Variants in ABLIM1 observed in about 807,000 individuals in gnomAD.
ABLIM1 encodes the protein actin-binding LIM protein 1.
Under a neutral mutation model 107.0 loss-of-function variants are expected in ABLIM1, and 40 were observed. That is an observed-to-expected ratio of 0.37 (90% CI 0.29 to 0.49). The LOEUF is 0.49. Among genes scored for constraint, ABLIM1 ranks in the 20% least tolerant of loss-of-function variants. The pLI, the probability that ABLIM1 is intolerant of heterozygous loss-of-function variation, is 0.97. For missense variants in ABLIM1, 857 were observed against 1,008.5 expected (o/e 0.85, Z 2.04); for synonymous variants, 357 against 357.3 (o/e 1.00, Z 0.01).
chr10:114,442,969 G>A (rs369382793), intron 17 of ABLIM1, among the ~76,000 whole-genome samples: 6 of 152,086 alleles, frequency 3.9e-5, no homozygotes, highest in African/African-American at 1.2e-4. Context: ...CTCCCGAGTA[G>A]CCGGGACTGC....
At chr10:114,558,982 G>A (rs1220447988) in intron 4 of ABLIM1, among the ~76,000 whole-genome samples, 1 of 151,030 alleles carries the variant, frequency 6.6e-6, no homozygotes, top group Non-Finnish European at 1.5e-5. Flanking sequence ...GGGGCTATAT[G>A]TATAGAATGA....
intron 5 of ABLIM1, among the ~76,000 whole-genome samples, chr10:114,546,803 C>T (rs528150133): frequency 1.3e-5 from 2 of 152,074 alleles, no homozygotes; most frequent in African/African-American, 4.8e-5. Context: ...TTTTTTGAGA[C>T]AAGGTCTTAC....
Position 114,551,873 on chromosome 10 carries a change from A to G in ABLIM1, c.674-4097T>C, listed in dbSNP as rs2068101495. On this transcript the variant is annotated intron_variant, in intron 4 of 22. Transcript: ENST00000533213. ...CTCTGACTTCACAGGTGGTATCTAT[A>G]CCATTGAGCTCCTCCATGCCCTGCA... 2.0e-5 allele frequency among the ~76,000 whole-genome samples: 3 copies of G among 152,054 alleles called. No individual in the cohort carries two copies. In the South Asian group the frequency reaches 6.2e-4, roughly 32 times the overall value.
chr10:114,562,861 C>T (rs2069965176), intron 4 of ABLIM1, among the ~76,000 whole-genome samples: 1 of 152,050 alleles, frequency 6.6e-6, no homozygotes, highest in African/African-American at 2.4e-5. Context: ...GAAAAAAACC[C>T]CAAACAAACA....
At chr10:114,785,275 G>A in the ABLIM1 span, among the ~76,000 whole-genome samples, 1 of 152,238 alleles carries the variant, frequency 6.6e-6, no homozygotes, top group Non-Finnish European at 1.5e-5. Context: ...GGAAGGCACT[G>A]TGTCCTGTGT....
chr10:114,597,164 T>C (rs1319066183), intron 2 of ABLIM1, among the ~76,000 whole-genome samples: 4 of 152,364 alleles, frequency 2.6e-5, no homozygotes, highest in Non-Finnish European at 5.9e-5. Context: ...AATGTTGTTT[T>C]AGGACTTGGC....
intron 1 of ABLIM1, among the ~76,000 whole-genome samples, chr10:114,700,174 T>C (rs1054572366): frequency 3.3e-5 from 5 of 152,206 alleles, no homozygotes; most frequent in African/African-American, 1.2e-4. Flanking sequence ...AATAAGTTAA[T>C]TCATTACATA....
intron 8 of ABLIM1, among the ~76,000 whole-genome samples, chr10:114,475,304 A>T (rs1461429860): frequency 1.3e-5 from 2 of 152,180 alleles, no homozygotes; most frequent in Non-Finnish European, 2.9e-5. Flanking sequence ...CTTGGCTTAA[A>T]TATCACCTCC....
At chr10:114,607,560 T>C (rs2076509415) in intron 1 of ABLIM1, among the ~76,000 whole-genome samples, 1 of 152,144 alleles carries the variant, frequency 6.6e-6, no homozygotes. Context: ...AAGGTAAACA[T>C]CAACAGTGAT....
At chr10:114,561,072 G>A (rs150536908) in intron 4 of ABLIM1, among the ~76,000 whole-genome samples, 32 of 152,338 alleles carry the variant, frequency 2.1e-4, no homozygotes, top group African/African-American at 7.5e-4. Context: ...AAAACAAATT[G>A]TTTCCAGAAA....
chr10:114,662,608 C>A (rs2079841864), upstream of ABLIM1, among the ~76,000 whole-genome samples: 1 of 152,184 alleles, frequency 6.6e-6, no homozygotes, highest in Admixed American at 6.5e-5. Context: ...CAGGTCTCCT[C>A]TGAAAGGCCT....
At chr10:114,790,276 A>G in the ABLIM1 span, among the ~76,000 whole-genome samples, 1 of 151,266 alleles carries the variant, frequency 6.6e-6, no homozygotes, top group South Asian at 2.1e-4. Context: ...TTCCCTTTGG[A>G]GTTTTAAAGT....
the ABLIM1 span, among the ~76,000 whole-genome samples, chr10:114,782,598 T>C: frequency 6.6e-6 from 1 of 152,188 alleles, no homozygotes; most frequent in African/African-American, 2.4e-5. Context: ...AAATTTGTTT[T>C]TTAAACTAAA....
chr10:114,505,466 C>A (rs1219694945), intron 6 of ABLIM1, among the ~76,000 whole-genome samples: 1 of 152,212 alleles, frequency 6.6e-6, no homozygotes, highest in East Asian at 1.9e-4. Flanking sequence ...CCCATGCCAG[C>A]TGCTCTGAGG....
chr10:114,447,799 T>G, intron 15 of ABLIM1, 81 bp downstream of exon 15: 1 of 1,562,372 alleles, frequency 6.4e-7, no homozygotes, highest in Non-Finnish European at 8.7e-7. Context: ...ATAGGATACA[T>G]TTTCTTTCAT....
At chr10:114,797,213 C>T in the ABLIM1 span, among the ~76,000 whole-genome samples, 1 of 152,190 alleles carries the variant, frequency 6.6e-6, no homozygotes, top group Admixed American at 6.5e-5. Context: ...GTTTTCATTT[C>T]CACTTCATAT....
In ABLIM1 at chr10:114,571,420, G is replaced by C; in HGVS notation, c.564-14C>G. On this transcript the variant is annotated splice_polypyrimidine_tract_variant and intron_variant, in intron 3 of 22. Coordinates refer to ENST00000533213, the MANE Select transcript of ABLIM1 (RefSeq NM_002313.7). ...GGAAACGGGCGCCTGGAGGCAGAAA[G>C]ACATCGCCCTCAAGGTTATTGCAGC... 6.2e-7 allele frequency: 1 copy of C among 1,611,068 alleles called. No homozygotes were observed. Among genetic ancestry groups the C allele is most frequent in the Non-Finnish European group, 8.5e-7 (1 of 1,177,164 alleles).
At chr10:114,505,540 A>T (rs944283338) in intron 6 of ABLIM1, among the ~76,000 whole-genome samples, 3 of 152,216 alleles carry the variant, frequency 2.0e-5, no homozygotes, top group African/African-American at 7.2e-5. Context: ...TTTGGTGGGA[A>T]GGAATAGGGC....
At chr10:114,692,725 A>G (rs2081107665) in intron 1 of ABLIM1, among the ~76,000 whole-genome samples, 1 of 152,166 alleles carries the variant, frequency 6.6e-6, no homozygotes, top group African/African-American at 2.4e-5. Context: ...CCTCGTCTCT[A>G]CTAAAAATAA....
Sources: allele counts gnomAD v4.1 joint callset (sites outside exome capture counted in the v4.1 genomes callset), GRCh38; gene constraint gnomAD v4.1.1; transcripts MANE v1.5; gene names NCBI Gene and HGNC (gene_info 2026-07-23, HGNC 2026-07-21).